CFAP54: variants seen among roughly 807,000 people sequenced by gnomAD.
The protein encoded by CFAP54 is cilia and flagella associated protein 54, also known as cilia- and flagella-associated protein 54.
Under a neutral mutation model 370.4 loss-of-function variants are expected in CFAP54, and 290 were observed. That is an observed-to-expected ratio of 0.78 (90% confidence interval 0.71 to 0.86). CFAP54 has a LOEUF of 0.86. Ranked by LOEUF, CFAP54 falls within the 40% of genes least tolerant of loss-of-function variation. The pLI is 0.00. For missense variants in CFAP54, 3,399 were observed against 3,528.7 expected (o/e 0.96, Z 0.93); for synonymous variants, 1,206 against 1,236.5 (o/e 0.98, Z 0.52).
At position 96,576,667 on chromosome 12, in the gene CFAP54, G is replaced by T; in HGVS notation, c.2702G>T (p.Arg901Ile). 6.5e-7 allele frequency: 1 copy of T among 1,535,602 alleles called. No individual in the cohort carries two copies. Among genetic ancestry groups the T allele is most frequent in the Non-Finnish European group, 8.7e-7 (1 of 1,146,570 alleles). The change falls in exon 20 of 68, where the codon AGA (arginine) becomes ATA (isoleucine). Residue 901 changes from arginine to isoleucine, a missense_variant. Around this residue, in one of 3 missense-constraint regions of CFAP54, gnomAD observed 2,796 missense variants for 2,869.7 expected, o/e 0.97. Transcript: ENST00000524981. ...CAGAAATATTTGGAAAGTTCAAAAA[G>T]AAAGAAAAGCAGAGTCCCCCCTCCA... ...SYQKYLESSK[R>I]KKSRVPPPPI... is the part of the protein sequence containing the mutation.
Position 96,630,406 on chromosome 12 carries a change from T to G in CFAP54, c.4216-145T>G, listed in dbSNP as rs560957454. 2.1e-5 allele frequency: 13 copies of G among 610,338 alleles called. No homozygotes were observed. The East Asian group carries it at 3.5e-4, about 16-fold the overall frequency. 37.8% of individuals were successfully genotyped at this position (610,338 alleles called of 1,614,324 possible). On this transcript the variant is annotated intron_variant, in intron 31 of 67. Transcript: ENST00000524981. Reference sequence around the variant, plus strand: ...AGATTTTTTTTGTCTACAGGGGTACTTCTGCTGCCTTTGATAGTAATTTTA... The same window carrying G: ...AGATTTTTTTTGTCTACAGGGGTACGTCTGCTGCCTTTGATAGTAATTTTA...
chr12:96,563,663 C>G (rs1034831050), intron 17 of CFAP54, among the ~76,000 whole-genome samples: 1 of 152,126 alleles, frequency 6.6e-6, no homozygotes, highest in Non-Finnish European at 1.5e-5. Context: ...CATCTTTTCA[C>G]GAATCAATTA....
At chr12:96,620,305 G>C (rs1003599126) in intron 26 of CFAP54, among the ~76,000 whole-genome samples, 8 of 152,184 alleles carry the variant, frequency 5.3e-5, no homozygotes, top group Admixed American at 3.9e-4. Context: ...TGTCGTAGGA[G>C]GGACCTGGTG....
chr12:96,553,366 A>G (rs181643480), intron 15 of CFAP54, among the ~76,000 whole-genome samples: 75 of 152,116 alleles, frequency 4.9e-4, no homozygotes, highest in Non-Finnish European at 7.1e-4. Context: ...TTAAGGATAC[A>G]TACACATGTA....
intron 13 of CFAP54, among the ~76,000 whole-genome samples, chr12:96,539,089 T>TTTA (rs1955542539): frequency 1.4e-5 from 2 of 147,690 alleles, no homozygotes; most frequent in African/African-American, 2.5e-5. Flanking sequence ...TTTTTGTTTT[T>TTTA]GAGATGGAGT....
chr12:96,761,102 A>G (rs934864753), intron 58 of CFAP54, among the ~76,000 whole-genome samples: 3 of 152,048 alleles, frequency 2.0e-5, no homozygotes, highest in Non-Finnish European at 4.4e-5. Context: ...GAAGGTTGCA[A>G]TTTTTCCACA....
At chr12:96,676,745 C>G (rs115397477) in intron 39 of CFAP54, among the ~76,000 whole-genome samples, 2,937 of 152,018 alleles carry the variant, frequency 0.019, 114 homozygotes, top group African/African-American at 0.068. Flanking sequence ...GGGGTTTCAC[C>G]TTGTCTCCTG....
At chr12:96,638,096 C>T (rs1188556281) in intron 32 of CFAP54, among the ~76,000 whole-genome samples, 1 of 151,644 alleles carries the variant, frequency 6.6e-6, no homozygotes, top group Non-Finnish European at 1.5e-5. Context: ...AATTTAAAAA[C>T]AAAGAACTTG....
At chr12:96,608,306 T>C (rs939588062) in intron 26 of CFAP54, among the ~76,000 whole-genome samples, 4 of 44,964 alleles carry the variant, frequency 8.9e-5, no homozygotes, top group Admixed American at 2.5e-4. Flanking sequence ...TGCATATATA[T>C]ATACACACAC....
chr12:96,632,407 T>G (rs1956619067), intron 32 of CFAP54, among the ~76,000 whole-genome samples: 1 of 152,024 alleles, frequency 6.6e-6, no homozygotes, highest in African/African-American at 2.4e-5. Flanking sequence ...TTTAGGAATT[T>G]CATTAATTTG....
At chr12:96,726,181 C>G (rs1957832685) in intron 50 of CFAP54, among the ~76,000 whole-genome samples, 1 of 151,166 alleles carries the variant, frequency 6.6e-6, no homozygotes, top group Non-Finnish European at 1.5e-5. Flanking sequence ...CAGGATGATG[C>G]TGGCCTCATA....
At chr12:96,579,376 G>A (rs1033671539) in intron 20 of CFAP54, among the ~76,000 whole-genome samples, 4 of 152,016 alleles carry the variant, frequency 2.6e-5, no homozygotes, top group Non-Finnish European at 4.4e-5. Context: ...AGACAGGCTT[G>A]GGTATCTGTA....
chr12:96,638,868 T>C (rs1191354365), intron 32 of CFAP54, among the ~76,000 whole-genome samples: 1 of 152,224 alleles, frequency 6.6e-6, no homozygotes, highest in Non-Finnish European at 1.5e-5. Context: ...TCCCACTTCA[T>C]AGGGAACGCT....
intron 67 of CFAP54, among the ~76,000 whole-genome samples, chr12:96,871,210 G>A (rs923423008): frequency 6.6e-6 from 1 of 152,178 alleles, no homozygotes; most frequent in Non-Finnish European, 1.5e-5. Flanking sequence ...AAGGCTCAAA[G>A]AACAAAGCCT....
intron 63 of CFAP54, among the ~76,000 whole-genome samples, chr12:96,799,603 T>C (rs759636971): frequency 2.0e-5 from 3 of 152,188 alleles, no homozygotes; most frequent in Non-Finnish European, 2.9e-5. Flanking sequence ...CAATTATAAT[T>C]CTCTTCCTAT....
chr12:96,534,352 G>A (rs1015139836), intron 11 of CFAP54, 125 bp downstream of exon 11: 60 of 601,026 alleles, frequency 1.0e-4, no homozygotes, highest in Non-Finnish European at 2.3e-5. Context: ...AGACAAGAGT[G>A]TGTTTGGTGA....
At chr12:96,799,195 A>G (rs1592768434) in intron 63 of CFAP54, among the ~76,000 whole-genome samples, 1 of 152,158 alleles carries the variant, frequency 6.6e-6, no homozygotes. Context: ...AGATTTTAGG[A>G]TAGCCTTGAA....
At chr12:96,659,194 C>T (rs1956961305) in intron 38 of CFAP54, among the ~76,000 whole-genome samples, 1 of 152,142 alleles carries the variant, frequency 6.6e-6, no homozygotes, top group Non-Finnish European at 1.5e-5. Flanking sequence ...GGGGGTTCTG[C>T]CCCAATTTCC....
chr12:96,682,225 A>G (rs990199493), intron 40 of CFAP54: 8 of 985,572 alleles, frequency 8.1e-6, no homozygotes, highest in Non-Finnish European at 9.6e-6. Context: ...GCATATGTCA[A>G]TACCCCCTGA....
Sources: allele counts gnomAD v4.1 joint callset (sites outside exome capture counted in the v4.1 genomes callset), GRCh38; gene constraint gnomAD v4.1.1; regional missense constraint gnomAD v4.1.1; transcripts MANE v1.5; gene names NCBI Gene and HGNC (gene_info 2026-07-23, HGNC 2026-07-21).